The following MGAT5B variants were observed in gnomAD, a reference collection of about 807,000 sequenced individuals.
MGAT5B encodes N-acetylglucosaminyl-transferase Vb.
Under a neutral mutation model 95.1 loss-of-function variants are expected in MGAT5B, and 54 were observed. The observed-to-expected ratio is 0.57, with a 90% CI of 0.46 to 0.71. The LOEUF (loss-of-function observed/expected upper bound fraction) is 0.71, where lower values mean the gene tolerates loss of function less well. Ranked by LOEUF, MGAT5B falls within the 30% of genes least tolerant of loss-of-function variation. MGAT5B has a pLI of 0.00. For missense variants in MGAT5B, 935 were observed against 1,088.6 expected (o/e 0.86, Z 1.99); for synonymous variants, 464 against 451.0 (o/e 1.03, Z -0.36).
chr17:76,930,327 G>A lies in MGAT5B; in HGVS notation c.1292-2318G>A, dbSNP rs921719384. Among the ~76,000 whole-genome samples the A allele has an allele frequency of 6.6e-6, 1 of 152,158 alleles. No homozygotes were observed. Among genetic ancestry groups the A allele is most frequent in the African/African-American group, 2.4e-5 (1 of 41,426 alleles). ...TTGAGGGGTGGGTGGGAATACTACAGTAGATTTACACATTTGATGAAAGCA... is the reference window on the plus strand; with the variant it reads ...TTGAGGGGTGGGTGGGAATACTACAATAGATTTACACATTTGATGAAAGCA... On this transcript the variant is annotated intron_variant, in intron 10 of 17. Coordinates refer to ENST00000569840, the MANE Select transcript of MGAT5B (RefSeq NM_001199172.2). This position sits in a 1 kb window ranked among gnomAD's most constrained non-coding sequence, Gnocchi z 4.1.
chr17:76,939,031 TGTG>T (rs1567824662), intron 13 of MGAT5B, among the ~76,000 whole-genome samples: 1 of 40,200 alleles, frequency 2.5e-5, no homozygotes, highest in African/African-American at 6.3e-5. Context: ...ATCTTGGGGG[TGTG>T]TGTGTGTGTG....
At chr17:76,933,211 T>C in intron 11 of MGAT5B, 81 bp from the exon 12 acceptor site, 1 of 1,580,432 alleles carries the variant, frequency 6.3e-7, no homozygotes, top group Middle Eastern at 1.7e-4. Flanking sequence ...AGGAGCTGCC[T>C]GCATGGGGTG....
At chr17:76,904,643 TG>T (rs1968453317) in intron 6 of MGAT5B, among the ~76,000 whole-genome samples, 2 of 152,212 alleles carry the variant, frequency 1.3e-5, no homozygotes, top group Admixed American at 6.5e-5. Flanking sequence ...GCAGGGCAGG[TG>T]GGGGGCCTGG....
Position 76,870,303 on chromosome 17 carries a change from C to T in MGAT5B, c.68+1206C>T, listed in dbSNP as rs1210503203. ...CGGCAGGGGTCAGGCTGGACCTCTGCGGTCCGGGGGTCCGGGAGGCCCGGA... is the reference window on the plus strand; with the variant it reads ...CGGCAGGGGTCAGGCTGGACCTCTGTGGTCCGGGGGTCCGGGAGGCCCGGA... On this transcript the variant is annotated intron_variant, in intron 1 of 17. Transcript: ENST00000569840. This position sits in a 1 kb window ranked among gnomAD's most constrained non-coding sequence, Gnocchi z 5.0. Among the ~76,000 whole-genome samples, 3 of 152,222 alleles carry T rather than the reference C, an allele frequency of 2.0e-5. No homozygotes were observed. Among genetic ancestry groups the T allele is most frequent in the Non-Finnish European group, 1.5e-5 (1 of 67,986 alleles).
chr17:76,913,899 C>T (rs1166651380), intron 8 of MGAT5B: 2 of 416,140 alleles, frequency 4.8e-6, no homozygotes, highest in Non-Finnish European at 4.9e-6. Flanking sequence ...TTGCTTGATT[C>T]CAGGAGTTGG....
chr17:76,942,707 A>C (rs775872482), intron 15 of MGAT5B, among the ~76,000 whole-genome samples: 3 of 152,144 alleles, frequency 2.0e-5, no homozygotes, highest in Non-Finnish European at 2.9e-5. Context: ...GGGTTAACTG[A>C]TTAATTTCAC....
At chr17:76,886,289 C>T (rs1967626492) in intron 3 of MGAT5B, among the ~76,000 whole-genome samples, 1 of 152,168 alleles carries the variant, frequency 6.6e-6, no homozygotes, top group Admixed American at 6.5e-5. Flanking sequence ...AGATGGAATT[C>T]CACTGCATGC....
At position 76,889,206 on chromosome 17, in the gene MGAT5B, G is replaced by A. The variant is rs1055136977; in HGVS notation, c.329+6908G>A. 4.8e-4 allele frequency among the ~76,000 whole-genome samples: 73 copies of A among 152,270 alleles called. No homozygotes were observed. The highest frequency in any genetic ancestry group is 1.6e-3 in the African/African-American group (65 of 41,538). ...CGCAGGGGCAGTGTCAGCCCTGGGAGCTCGCCGTGTGACCTTGGGAAAGCC... is the reference window on the plus strand; with the variant it reads ...CGCAGGGGCAGTGTCAGCCCTGGGAACTCGCCGTGTGACCTTGGGAAAGCC... On this transcript the variant is annotated intron_variant, in intron 3 of 17. Coordinates refer to ENST00000569840, the MANE Select transcript of MGAT5B (RefSeq NM_001199172.2). The surrounding 1 kb of genome is among the most constrained non-coding windows in gnomAD (Gnocchi z 4.4).
chr17:76,917,272 G>A lies in MGAT5B; in HGVS notation c.1026-7694G>A, dbSNP rs558597871. Among the ~76,000 whole-genome samples, 3 of 152,088 alleles carry A rather than the reference G, an allele frequency of 2.0e-5. No individual in the cohort carries two copies. The highest frequency in any genetic ancestry group is 7.2e-5 in the African/African-American group (3 of 41,468). On this transcript the variant is annotated intron_variant, in intron 8 of 17. Transcript: ENST00000569840. This position sits in a 1 kb window ranked among gnomAD's most constrained non-coding sequence, Gnocchi z 6.1. ...AAGTCAGTTTCTTTGCTGTGTCTCCGGCCTCTGCAGGGCCGTCCATAGTCA... is the reference window on the plus strand; with the variant it reads ...AAGTCAGTTTCTTTGCTGTGTCTCCAGCCTCTGCAGGGCCGTCCATAGTCA...
intron 15 of MGAT5B, among the ~76,000 whole-genome samples, chr17:76,944,779 G>A (rs76880625): frequency 0.057 from 8,695 of 152,302 alleles, 278 homozygotes; most frequent in South Asian, 0.085. Context: ...TTGGCCAGAG[G>A]CCCCAGGACG....
chr17:76,902,525 T>A (rs1356803181), intron 3 of MGAT5B, 30 bp from the exon 4 acceptor site: 2 of 1,528,306 alleles, frequency 1.3e-6, no homozygotes, highest in Non-Finnish European at 1.8e-6. Context: ...CGGCCGGTTC[T>A]GTGGCTCACC....
chr17:76,932,612 T>TGACC (rs1434350017), intron 10 of MGAT5B, 33 bp from the exon 11 acceptor site: 1 of 1,611,048 alleles, frequency 6.2e-7, no homozygotes, highest in South Asian at 1.1e-5. Flanking sequence ...GGTTGTTTGG[T>TGACC]GACCCCATTC....
intron 16 of MGAT5B, among the ~76,000 whole-genome samples, chr17:76,946,759 A>C (rs181971039): frequency 5.9e-5 from 9 of 152,354 alleles, no homozygotes; most frequent in Admixed American, 1.3e-4. Context: ...AAAGTCTGCT[A>C]ACTGATTGGG....
At position 76,916,167 on chromosome 17, in the gene MGAT5B, C is replaced by T. The variant is rs185881864; in HGVS notation, c.1026-8799C>T. 7.7e-4 allele frequency among the ~76,000 whole-genome samples: 113 copies of T among 147,120 alleles called. No homozygotes were observed. The highest frequency in any genetic ancestry group is 2.7e-3 in the African/African-American group (101 of 37,346). On this transcript the variant is annotated intron_variant, in intron 8 of 17. Coordinates refer to ENST00000569840, the MANE Select transcript of MGAT5B (RefSeq NM_001199172.2). This position sits in a 1 kb window ranked among gnomAD's most constrained non-coding sequence, Gnocchi z 5.3. ...GCAAGGCCTCGTCTCCCCTTATGCT[C>T]CACATAGCTGCACTGCCCTGGCCCC...
chr17:76,882,248 C>A lies in MGAT5B; in HGVS notation c.279C>A (p.Asn93Lys). 2 of 1,613,630 alleles carry A rather than the reference C, an allele frequency of 1.2e-6. No individual in the cohort carries two copies. The highest frequency in any genetic ancestry group is 1.7e-6 in the Non-Finnish European group (2 of 1,179,920). The change falls in exon 3 of 18, where the codon AAC becomes AAA. Residue 93 changes from asparagine to lysine, a missense_variant. Asn to Lys is a moderately conservative substitution (Grantham distance 94, BLOSUM62 0). Transcript: ENST00000569840. ...TGGACGCACTGGCCAGGCTGGAGAA[C>A]AGCAGTGAGCTGCACCGGGCCGGCG... ...KRMDALARLE[N>K]SSELHRAGGD...
chr17:76,906,214 T>G lies in MGAT5B; in HGVS notation c.1025+27T>G, dbSNP rs768746857. The G allele has an allele frequency of 6.3e-7, 1 of 1,578,086 alleles. No individual in the cohort carries two copies. The highest frequency in any genetic ancestry group is 1.2e-5 in the South Asian group (1 of 86,116). On this transcript the variant is annotated intron_variant, in intron 8 of 17. Coordinates refer to ENST00000569840, the MANE Select transcript of MGAT5B (RefSeq NM_001199172.2). This position sits in a 1 kb window ranked among gnomAD's most constrained non-coding sequence, Gnocchi z 4.6. ...TGAGTGCTGGGGAAAGCCACTGGCA[T>G]TAAGTGGGGCAGGGAGGGGATGAAG...
chr17:76,921,663 G>T (rs1337467429), intron 8 of MGAT5B, among the ~76,000 whole-genome samples: 1 of 152,196 alleles, frequency 6.6e-6, no homozygotes, highest in Non-Finnish European at 1.5e-5. Flanking sequence ...TGGTGCAGGG[G>T]CTGCAGCTGT....
chr17:76,906,990 G>C lies in MGAT5B; in HGVS notation c.1025+803G>C, dbSNP rs574662917. Among the ~76,000 whole-genome samples the C allele has an allele frequency of 6.6e-6, 1 of 151,856 alleles. No homozygotes were observed. The highest frequency in any genetic ancestry group is 6.6e-5 in the Admixed American group (1 of 15,260). ...ACTCTGGGTTTGCCTGAGAGTGTCT[G>C]CCAATCTCTCTGCCTCCTCCCCAGA... On this transcript the variant is annotated intron_variant, in intron 8 of 17. Coordinates refer to ENST00000569840, the MANE Select transcript of MGAT5B (RefSeq NM_001199172.2). This position sits in a 1 kb window ranked among gnomAD's most constrained non-coding sequence, Gnocchi z 4.6.
chr17:76,881,007 G>A lies in MGAT5B; in HGVS notation c.182-1144G>A, dbSNP rs1029752323. ...GAAGGTTCATGTTCCCAGGTGACTT[G>A]GCTCGTTTTGGGGGAGTGATTTCAA... On this transcript the variant is annotated intron_variant, in intron 2 of 17. Transcript: ENST00000569840. 1.2e-4 allele frequency among the ~76,000 whole-genome samples: 19 copies of A among 152,156 alleles called. 1 individual carries two copies. The highest frequency in any genetic ancestry group is 4.3e-4 in the African/African-American group (18 of 41,438).
Sources: gnomAD v4.1 joint callset for allele counts (sites outside exome capture counted in the v4.1 genomes callset) on GRCh38, gnomAD v4.1.1 for gene constraint, Gnocchi (gnomAD v3.1) non-coding constraint, MANE v1.5 for transcripts, NCBI Gene and HGNC (gene_info 2026-07-23, HGNC 2026-07-21) for gene names.